BCAS1: variants seen among roughly 807,000 people sequenced by gnomAD.
BCAS1 encodes brain enriched myelin associated protein 1.
BCAS1 carries 46 observed loss-of-function variants against 65.4 expected under a neutral mutation model. That is an observed-to-expected ratio of 0.70 (90% confidence interval 0.55 to 0.90). BCAS1 has a LOEUF of 0.90. Among genes scored for constraint, BCAS1 ranks in the 40% least tolerant of loss-of-function variants. The probability of loss-of-function intolerance (pLI) is 0.00; values close to 1 mark genes in which losing one functional copy is unlikely to be tolerated. For synonymous variants in BCAS1, 298 were observed against 293.5 expected, an observed-to-expected ratio of 1.02 and a Z score of -0.16; for missense variants, 793 against 771.2, an observed-to-expected ratio of 1.03 and a Z score of -0.33.
At chr20:53,971,456 C>T (rs1246101471) in intron 9 of BCAS1, among the ~76,000 whole-genome samples, 2 of 152,202 alleles carry the variant, frequency 1.3e-5, no homozygotes, top group Non-Finnish European at 2.9e-5. Flanking sequence ...TAATTTGGGA[C>T]CTGGTTGTCA....
intron 9 of BCAS1, among the ~76,000 whole-genome samples, chr20:53,970,054 G>T (rs208391): frequency 6.6e-6 from 1 of 152,148 alleles, no homozygotes. Context: ...TAGAGTTTGC[G>T]TTCAGAAGTA....
chr20:54,049,475 A>G (rs536390346), intron 3 of BCAS1, among the ~76,000 whole-genome samples: 1 of 152,292 alleles, frequency 6.6e-6, no homozygotes, highest in East Asian at 1.9e-4. Context: ...AGATCTATGA[A>G]GTTTTAGGCA....
chr20:53,952,912 G>C (rs534437365), intron 12 of BCAS1, among the ~76,000 whole-genome samples: 6 of 152,202 alleles, frequency 3.9e-5, no homozygotes, highest in African/African-American at 4.8e-5. Flanking sequence ...ACAACATAAA[G>C]TGTGTTTAAA....
At chr20:54,070,141 A>G (rs988577752) in intron 1 of BCAS1, among the ~76,000 whole-genome samples, 5 of 152,132 alleles carry the variant, frequency 3.3e-5, no homozygotes, top group African/African-American at 4.8e-5. Flanking sequence ...CTGTGCTTGA[A>G]ATGACCCTCA....
chr20:53,946,223 G>A (rs2089309838), intron 12 of BCAS1, among the ~76,000 whole-genome samples: 1 of 151,782 alleles, frequency 6.6e-6, no homozygotes, highest in Non-Finnish European at 1.5e-5. Context: ...ATGTCACATG[G>A]TTCTGTCCCC....
In BCAS1 at chr20:53,967,023, T is replaced by A. The variant is rs147388203; in HGVS notation, c.1368A>T (p.Ser456=). The A allele has an allele frequency of 3.8e-5, 62 of 1,613,068 alleles. No individual in the cohort carries two copies. The highest frequency in any genetic ancestry group is 3.1e-5 in the Non-Finnish European group (36 of 1,179,584). ...CGTTGAGGTCCACTGTTTGTAAGGC[T>A]GATTCTACTTCCTTGGACTTTATAA... ...VEIIKSKEVE[S]ALQTVDLNEG... The change falls in exon 10 of 13, where the codon TCA becomes TCT. Residue 456 remains serine, a synonymous_variant. Coordinates refer to ENST00000688948, the MANE Select transcript of BCAS1 (RefSeq NM_001366298.2).
At chr20:53,960,666 T>C (rs1048809294) in intron 10 of BCAS1, among the ~76,000 whole-genome samples, 1 of 151,074 alleles carries the variant, frequency 6.6e-6, no homozygotes, top group Non-Finnish European at 1.5e-5. Context: ...TAACAACTGT[T>C]TCCTTCCTTC....
At chr20:54,027,067 G>A (rs746383701) in intron 4 of BCAS1, among the ~76,000 whole-genome samples, 4 of 152,142 alleles carry the variant, frequency 2.6e-5, no homozygotes, top group African/African-American at 4.8e-5. Context: ...TAAATTATAC[G>A]GAAAGTTATT....
At chr20:53,984,103 C>T (rs192014626) in intron 8 of BCAS1, among the ~76,000 whole-genome samples, 15 of 152,272 alleles carry the variant, frequency 9.9e-5, no homozygotes, top group African/African-American at 3.6e-4. Flanking sequence ...ATTTAATGTG[C>T]TAACTCTATT....
intron 4 of BCAS1, among the ~76,000 whole-genome samples, chr20:54,019,332 A>G (rs2091507268): frequency 6.6e-6 from 1 of 152,230 alleles, no homozygotes; most frequent in Non-Finnish European, 1.5e-5. Context: ...TGCTTGCTGC[A>G]GGACTTCTCA....
At chr20:53,986,078 G>T (rs2090608296) in intron 7 of BCAS1, among the ~76,000 whole-genome samples, 1 of 152,148 alleles carries the variant, frequency 6.6e-6, no homozygotes, top group African/African-American at 2.4e-5. Flanking sequence ...TGAATTGGAA[G>T]AGTGTCCACA....
chr20:54,053,360 T>A (rs1246066142), intron 3 of BCAS1, among the ~76,000 whole-genome samples: 2 of 152,250 alleles, frequency 1.3e-5, no homozygotes, highest in African/African-American at 4.8e-5. Context: ...AAAAGCACTC[T>A]ACACGATACA....
chr20:53,985,168 T>C (rs2090580303), intron 8 of BCAS1, 119 bp downstream of exon 8: 5 of 994,732 alleles, frequency 5.0e-6, no homozygotes, highest in South Asian at 3.2e-5. Flanking sequence ...AGCCGAGTCA[T>C]TTTGAAGAAG....
chr20:53,986,654 T>C (rs554220233), intron 7 of BCAS1, among the ~76,000 whole-genome samples: 2 of 152,224 alleles, frequency 1.3e-5, no homozygotes, highest in African/African-American at 2.4e-5. Context: ...TCCCAGCATT[T>C]TGGGAGGCCG....
At chr20:53,947,218 AG>A (rs952510461) in intron 12 of BCAS1, among the ~76,000 whole-genome samples, 2 of 152,214 alleles carry the variant, frequency 1.3e-5, no homozygotes, top group Non-Finnish European at 2.9e-5. Context: ...TTCACAGGGT[AG>A]TTTTGAAGAT....
chr20:53,984,480 T>C (rs1198152099), intron 8 of BCAS1, among the ~76,000 whole-genome samples: 1 of 152,200 alleles, frequency 6.6e-6, no homozygotes, highest in Non-Finnish European at 1.5e-5. Context: ...CACAGTGGCA[T>C]CTGCATTCAT....
At position 54,028,399 on chromosome 20, in the gene BCAS1, G is replaced by C; in HGVS notation, c.716C>G (p.Ala239Gly). The change falls in exon 4 of 13, where the codon GCA (alanine) becomes GGA (glycine). Residue 239 changes from alanine to glycine, a missense_variant. Transcript: ENST00000688948. ...GLSGQSDDVP[A>G]GKDIVDGKEK... ...ACACCTTGGCACACTTACCTTCCCT[G>C]CAGGGACATCATCGGACTGCCCTGA... 1 of 1,614,168 alleles carries C rather than the reference G, an allele frequency of 6.2e-7. No homozygotes were observed. The highest frequency in any genetic ancestry group is 1.6e-4 in the Middle Eastern group (1 of 6,062).
At chr20:53,984,843 T>C (rs1031205846) in intron 8 of BCAS1, among the ~76,000 whole-genome samples, 6 of 152,138 alleles carry the variant, frequency 3.9e-5, no homozygotes, top group Non-Finnish European at 7.4e-5. Flanking sequence ...TCTAAAAGGA[T>C]AGTGGAGACC....
chr20:54,064,549 CG>C (rs2092413160), intron 1 of BCAS1, among the ~76,000 whole-genome samples: 1 of 152,188 alleles, frequency 6.6e-6, no homozygotes, highest in East Asian at 1.9e-4. Context: ...CCAGAACTGG[CG>C]GGCAGGGCAG....
Sources: gnomAD v4.1 joint callset for allele counts (sites outside exome capture counted in the v4.1 genomes callset) on GRCh38, gnomAD v4.1.1 for gene constraint, MANE v1.5 for transcripts, NCBI Gene and HGNC (gene_info 2026-07-23, HGNC 2026-07-21) for gene names.